Variants in ATXN1 observed in about 807,000 individuals in gnomAD.
ATXN1 encodes the protein ataxin 1, also known as ataxin-1.
Under a neutral mutation model 56.4 loss-of-function variants are expected in ATXN1, and 8 were observed. That is an observed-to-expected ratio of 0.14 (90% CI 0.08 to 0.26). The LOEUF is 0.26. Among genes scored for constraint, ATXN1 ranks in the 10% least tolerant of loss-of-function variants. The pLI is 1.00. For missense variants in ATXN1, 987 were observed against 1,106.5 expected (o/e 0.89, Z 1.53); for synonymous variants, 514 against 494.6 (o/e 1.04, Z -0.52).
chr6:16,635,312 T>G (rs926830346), intron 3 of ATXN1, among the ~76,000 whole-genome samples: 2 of 152,204 alleles, frequency 1.3e-5, no homozygotes, highest in African/African-American at 4.8e-5. Flanking sequence ...TGCATAATTA[T>G]TTCATTATAT....
chr6:16,693,794 C>A (rs1024935224), intron 2 of ATXN1, among the ~76,000 whole-genome samples: 2 of 152,064 alleles, frequency 1.3e-5, no homozygotes, highest in African/African-American at 4.8e-5. Context: ...AAATTGGTGA[C>A]CTAGGAAAAG....
intron 2 of ATXN1, among the ~76,000 whole-genome samples, chr6:16,665,552 T>TG (rs989738279): frequency 6.5e-4 from 31 of 47,438 alleles, no homozygotes; most frequent in Non-Finnish European, 1.0e-3. Flanking sequence ...TGGGTGGGGG[T>TG]GGGGGGGTTC....
intron 4 of ATXN1, among the ~76,000 whole-genome samples, chr6:16,576,915 TA>T (rs1209187097): frequency 1.3e-5 from 2 of 151,982 alleles, no homozygotes; most frequent in Non-Finnish European, 2.9e-5. Context: ...CATAAAAAGC[TA>T]AAAAAAGACA....
At chr6:16,339,860 G>A (rs1210333059) in intron 6 of ATXN1, among the ~76,000 whole-genome samples, 1 of 152,156 alleles carries the variant, frequency 6.6e-6, no homozygotes, top group Non-Finnish European at 1.5e-5. Flanking sequence ...TCGGCTCACT[G>A]CAACCTCTGC....
intron 5 of ATXN1, among the ~76,000 whole-genome samples, chr6:16,520,160 G>C (rs1761259640): frequency 6.6e-6 from 1 of 152,158 alleles, no homozygotes; most frequent in Non-Finnish European, 1.5e-5. Flanking sequence ...GGTGAGTGCT[G>C]TTTGAGCTTA....
intron 6 of ATXN1, among the ~76,000 whole-genome samples, chr6:16,344,477 G>A (rs1379509372): frequency 6.6e-6 from 1 of 152,214 alleles, no homozygotes; most frequent in Non-Finnish European, 1.5e-5. Flanking sequence ...TAGAATGAAA[G>A]CAGGCAGAAG....
At chr6:16,412,637 C>T (rs1359843698) in intron 6 of ATXN1, among the ~76,000 whole-genome samples, 5 of 152,232 alleles carry the variant, frequency 3.3e-5, no homozygotes, top group Non-Finnish European at 7.3e-5. Context: ...CAGTGCCGCT[C>T]AAGGAGCTAA....
At chr6:16,374,875 C>T (rs1762112613) in intron 6 of ATXN1, among the ~76,000 whole-genome samples, 1 of 152,224 alleles carries the variant, frequency 6.6e-6, no homozygotes, top group Non-Finnish European at 1.5e-5. Flanking sequence ...TTTCCAAGGA[C>T]AAGAGGAGGG....
intron 3 of ATXN1, among the ~76,000 whole-genome samples, chr6:16,656,096 A>C (rs976154621): frequency 1.2e-4 from 18 of 151,902 alleles, no homozygotes; most frequent in African/African-American, 3.4e-4. Context: ...CTCAAAAAAA[A>C]AAAAAACAAA....
chr6:16,476,501 A>G (rs1760329143), intron 6 of ATXN1, among the ~76,000 whole-genome samples: 2 of 151,948 alleles, frequency 1.3e-5, no homozygotes, highest in Admixed American at 1.3e-4. Flanking sequence ...CTAAGTGTTG[A>G]ATTAACAGTT....
At chr6:16,571,517 G>T (rs147863858) in intron 4 of ATXN1, among the ~76,000 whole-genome samples, 35 of 152,002 alleles carry the variant, frequency 2.3e-4, no homozygotes, top group Non-Finnish European at 4.4e-4. Context: ...CTAGAGACAG[G>T]GTCTCACTTT....
intron 6 of ATXN1, among the ~76,000 whole-genome samples, chr6:16,403,947 T>C (rs1033502321): frequency 2.3e-4 from 35 of 152,236 alleles, no homozygotes; most frequent in Admixed American, 2.3e-3. Flanking sequence ...TATGACAATA[T>C]AGAGACACTG....
intron 6 of ATXN1, among the ~76,000 whole-genome samples, chr6:16,416,091 C>CAAAA (rs372133593): frequency 9.0e-5 from 10 of 110,520 alleles, no homozygotes; most frequent in African/African-American, 2.0e-4. Context: ...ACCAAGCTTT[C>CAAAA]AAAAAAAAAA....
intron 6 of ATXN1, among the ~76,000 whole-genome samples, chr6:16,419,382 C>A (rs1758985433): frequency 6.6e-6 from 1 of 151,972 alleles, no homozygotes; most frequent in South Asian, 2.1e-4. Context: ...TATGATAGTT[C>A]TATCACTGTC....
chr6:16,405,645 G>C (rs765040602), intron 6 of ATXN1, among the ~76,000 whole-genome samples: 16 of 152,164 alleles, frequency 1.1e-4, no homozygotes, highest in Non-Finnish European at 2.4e-4. Flanking sequence ...GCACTCTGGC[G>C]GCCGAAGCAT....
In ATXN1 at chr6:16,461,976, C is replaced by T. The variant is rs564505504; in HGVS notation, c.-161+23996G>A. Among the ~76,000 whole-genome samples the T allele has an allele frequency of 1.5e-3, 224 of 152,304 alleles. 1 individual carries two copies. Among genetic ancestry groups the T allele is most frequent in the Non-Finnish European group, 2.9e-3 (195 of 68,028 alleles). On this transcript the variant is annotated intron_variant, in intron 6 of 7. Coordinates refer to ENST00000436367, the MANE Select transcript of ATXN1 (RefSeq NM_001128164.2). ...CCATATGAAGTGCTGTATGGATGAC[C>T]TTTTCTCACAAATGACCTCCTACTT...
At chr6:16,565,490 C>A (rs528528520) in intron 4 of ATXN1, among the ~76,000 whole-genome samples, 1 of 152,182 alleles carries the variant, frequency 6.6e-6, no homozygotes, top group East Asian at 1.9e-4. Context: ...CCATAAAAAT[C>A]AACAGTGTTT....
chr6:16,491,888 C>T (rs1012124640), intron 5 of ATXN1, among the ~76,000 whole-genome samples: 5 of 152,074 alleles, frequency 3.3e-5, no homozygotes, highest in African/African-American at 9.7e-5. Context: ...ATGGAGGAGG[C>T]AAGTCATATG....
rs1760109064 is a variant in ATXN1 at position 16,301,818 on chromosome 6, C to T, written c.*4511G>A. On this transcript the variant is annotated 3_prime_UTR_variant, in exon 8 of 8. Transcript: ENST00000436367. ...CCTTCGGTACCGAGAGCTCTGCTTC[C>T]TCACCCATATCTGAAATAGCACGGT... The T allele has an allele frequency of 6.5e-6, 1 of 152,680 alleles. No individual in the cohort carries two copies. The highest frequency in any genetic ancestry group is 6.5e-5 in the Admixed American group (1 of 15,288). The allele number at this position is 152,680 out of a possible 1,614,324, so 9.5% of individuals were successfully genotyped here. A position where few individuals can be genotyped will look rare whatever the true frequency, so the allele number is the denominator to read the frequency against.
Sources: gnomAD v4.1 joint callset for allele counts (sites outside exome capture counted in the v4.1 genomes callset) on GRCh38, gnomAD v4.1.1 for gene constraint, MANE v1.5 for transcripts, NCBI Gene and HGNC (gene_info 2026-07-23, HGNC 2026-07-21) for gene names.